Variants in CDH23 observed in about 807,000 individuals in gnomAD.
The protein encoded by CDH23 is cadherin-23.
In CDH23, 189 loss-of-function variants were observed where a neutral mutation model predicts 317.1. The ratio of observed to expected loss-of-function variants is 0.60; its 90% CI spans 0.53 to 0.67. CDH23 has a LOEUF of 0.67. CDH23 is among the 30% of genes least tolerant of loss of function. The pLI is 0.00. For missense variants in CDH23, 4,401 were observed against 4,592.4 expected, an observed-to-expected ratio of 0.96 and a Z score of 1.20; for synonymous variants, 1,839 against 1,876.8, an observed-to-expected ratio of 0.98 and a Z score of 0.52.
chr10:71,747,311 T>A (rs1177725843), intron 38 of CDH23, among the ~76,000 whole-genome samples: 1 of 152,110 alleles, frequency 6.6e-6, no homozygotes, highest in East Asian at 1.9e-4. Context: ...CAGGAGCTGA[T>A]ATGGAAGGAG....
intron 38 of CDH23, among the ~76,000 whole-genome samples, chr10:71,766,581 C>G (rs1380463956): frequency 6.6e-6 from 1 of 152,220 alleles, no homozygotes; most frequent in Non-Finnish European, 1.5e-5. Flanking sequence ...GGGCTGCCAG[C>G]TCTAAAATCC....
intron 22 of CDH23, among the ~76,000 whole-genome samples, chr10:71,700,943 G>T (rs1010825717): frequency 6.6e-6 from 1 of 152,234 alleles, no homozygotes; most frequent in South Asian, 2.1e-4. Flanking sequence ...TCCACATCAA[G>T]TAAGATGAAG....
In CDH23 at chr10:71,577,959, C is replaced by T. The variant is rs775781391; in HGVS notation, c.799C>T (p.Arg267Cys). 3.7e-6 allele frequency: 6 copies of T among 1,605,010 alleles called. No individual in the cohort carries two copies. In the African/African-American group the frequency reaches 5.3e-5, roughly 14 times the overall value. ...IITAIDQDKG[R>C]PRGIGYTIVS... ...CACCGCCATAGACCAGGATAAAGGA[C>T]GTCCCCGGGGCATTGGCTACACCAT... Residue 267 changes from arginine to cysteine, a missense_variant, in exon 9 of 70, where the codon CGT becomes TGT. Around this residue, in one of 3 missense-constraint regions of CDH23, gnomAD observed 3,068 missense variants for 3,203.3 expected, o/e 0.96. Transcript: ENST00000224721.
chr10:71,716,674 T>C, intron 28 of CDH23: 1 of 237,728 alleles, frequency 4.2e-6, no homozygotes, highest in Non-Finnish European at 8.1e-6. Flanking sequence ...GCCTGGAAAC[T>C]TAAGACCAAC....
intron 14 of CDH23, among the ~76,000 whole-genome samples, chr10:71,658,784 A>G (rs1173232612): frequency 6.6e-6 from 1 of 152,156 alleles, no homozygotes; most frequent in East Asian, 1.9e-4. Context: ...GTCTGACCCC[A>G]AAGCCCCTGG....
intron 6 of CDH23, among the ~76,000 whole-genome samples, chr10:71,564,296 C>T (rs867389387): frequency 2.6e-5 from 4 of 152,328 alleles, no homozygotes; most frequent in Admixed American, 1.3e-4. Flanking sequence ...CCTCCTTCCC[C>T]GCATCTACTT....
intron 6 of CDH23, among the ~76,000 whole-genome samples, chr10:71,511,573 C>A (rs1853991342): frequency 6.6e-6 from 1 of 152,094 alleles, no homozygotes; most frequent in Non-Finnish European, 1.5e-5. Flanking sequence ...CAGGCCTAAC[C>A]CCAGATCTTC....
intron 56 of CDH23, 65 bp from the exon 57 acceptor site, chr10:71,806,103 C>T (rs1034830542): frequency 1.4e-5 from 22 of 1,527,246 alleles, no homozygotes; most frequent in Non-Finnish European, 1.9e-5. Context: ...AACTGGCCAC[C>T]GGGAAGTCCC....
rs548757284 is a variant in CDH23, at chr10:71,720,350, G to A, written c.3370-3695G>A. On this transcript the variant is annotated intron_variant, in intron 28 of 69. Transcript: ENST00000224721. ...CCAGGGCAGAAAGCATAGGACTGACGGACCTCCAAGGCCATGCTCCCCACA... is the reference window on the plus strand; with the variant it reads ...CCAGGGCAGAAAGCATAGGACTGACAGACCTCCAAGGCCATGCTCCCCACA... Among the ~76,000 whole-genome samples, 13 of 151,954 alleles carry A rather than the reference G, an allele frequency of 8.6e-5. No homozygotes were observed. The East Asian group carries it at 1.7e-3, about 20-fold the overall frequency.
At chr10:71,505,923 C>T (rs949511294) in intron 3 of CDH23, among the ~76,000 whole-genome samples, 2 of 152,226 alleles carry the variant, frequency 1.3e-5, no homozygotes, top group African/African-American at 4.8e-5. Flanking sequence ...CAAACAAAAA[C>T]TTGTACATAA....
intron 17 of CDH23, among the ~76,000 whole-genome samples, chr10:71,681,685 C>G (rs905311508): frequency 5.9e-5 from 9 of 152,210 alleles, no homozygotes; most frequent in African/African-American, 2.2e-4. Flanking sequence ...GCCTGTAATC[C>G]TAGCACTTGG....
At chr10:71,547,642 C>A (rs941925961) in intron 6 of CDH23, among the ~76,000 whole-genome samples, 1 of 152,134 alleles carries the variant, frequency 6.6e-6, no homozygotes, top group African/African-American at 2.4e-5. Flanking sequence ...CCGGTCCCCG[C>A]AGGGGTGGTG....
At chr10:71,559,310 C>A (rs572596554) in intron 6 of CDH23, among the ~76,000 whole-genome samples, 10 of 152,274 alleles carry the variant, frequency 6.6e-5, no homozygotes, top group Admixed American at 5.2e-4. Flanking sequence ...GGGGCTGGGA[C>A]AAAAACAGAA....
chr10:71,483,292 C>T (rs547981275), intron 3 of CDH23, among the ~76,000 whole-genome samples: 1 of 152,342 alleles, frequency 6.6e-6, no homozygotes, highest in South Asian at 2.1e-4. Context: ...GACACCCAAG[C>T]CCACAAGAGG....
At chr10:71,623,064 G>T (rs1161324800) in intron 11 of CDH23, 2 of 534,114 alleles carry the variant, frequency 3.7e-6, no homozygotes, top group Non-Finnish European at 4.8e-6. Context: ...GGTCCTGGGG[G>T]GACTGAGCTG....
chr10:71,511,277 G>T (rs781195840), intron 6 of CDH23, 65 bp downstream of exon 6: 79 of 1,401,034 alleles, frequency 5.6e-5, no homozygotes, highest in Non-Finnish European at 7.4e-5. Flanking sequence ...CCACCATGGT[G>T]TAGGTGAAGA....
chr10:71,556,055 A>G (rs976299402), intron 6 of CDH23, among the ~76,000 whole-genome samples: 5 of 152,238 alleles, frequency 3.3e-5, no homozygotes, highest in Admixed American at 3.3e-4. Flanking sequence ...CAGAGGCACC[A>G]TGAGCACAGG....
intron 11 of CDH23, among the ~76,000 whole-genome samples, chr10:71,629,322 C>A (rs1218710507): frequency 6.6e-6 from 1 of 152,186 alleles, no homozygotes; most frequent in Non-Finnish European, 1.5e-5. Flanking sequence ...AGGGGCAGAA[C>A]CATCAGAGGA....
In CDH23 at chr10:71,789,062, G is replaced by A. The variant is rs758599503; in HGVS notation, c.5923+20G>A. The A allele has an allele frequency of 3.8e-5, 47 of 1,224,822 alleles. No homozygotes were observed. The highest frequency in any genetic ancestry group is 2.4e-4 in the Admixed American group (14 of 59,362). 75.9% of individuals were successfully genotyped at this position (1,224,822 alleles called of 1,614,324 possible). ...CCGCTGGTAGGTGCTGGGCCCACCC[G>A]GGAGCTCCTGCTGTTGCCAGGCACC... On this transcript the variant is annotated intron_variant, in intron 45 of 69. Coordinates refer to ENST00000224721, the MANE Select transcript of CDH23 (RefSeq NM_022124.6).
Sources: gnomAD v4.1 joint callset for allele counts (sites outside exome capture counted in the v4.1 genomes callset) on GRCh38, gnomAD v4.1.1 for gene constraint, gnomAD v4.1.1 regional missense constraint, MANE v1.5 for transcripts, NCBI Gene and HGNC (gene_info 2026-07-23, HGNC 2026-07-21) for gene names.